COL23A1: variants seen among roughly 807,000 people sequenced by gnomAD.
The protein encoded by COL23A1 is collagen type XXIII alpha 1 chain, also known as collagen alpha-1(XXIII) chain.
COL23A1 carries 97 observed loss-of-function variants against 99.3 expected under a neutral mutation model. That is an observed-to-expected ratio of 0.98 (90% CI 0.83 to 1.16). COL23A1 has a LOEUF of 1.16. Ranked by LOEUF, COL23A1 falls within the 50% of genes most tolerant of loss-of-function variation. The pLI, the probability that COL23A1 is intolerant of heterozygous loss-of-function variation, is 0.00. For missense variants in COL23A1, 762 were observed against 757.4 expected, an observed-to-expected ratio of 1.01 and a Z score of -0.07; for synonymous variants, 320 against 308.2, an observed-to-expected ratio of 1.04 and a Z score of -0.40.
chr5:178,249,336 A>T, intron 18 of COL23A1, 130 bp from the exon 19 acceptor site: 1 of 851,928 alleles, frequency 1.2e-6, no homozygotes, highest in Non-Finnish European at 1.9e-6. Context: ...CTCCAGCCAC[A>T]GTGGCTGGGA....
intron 5 of COL23A1, among the ~76,000 whole-genome samples, chr5:178,288,022 C>T (rs568082315): frequency 1.2e-4 from 19 of 152,310 alleles, no homozygotes; most frequent in East Asian, 5.8e-4. Flanking sequence ...CAGTGGAGCA[C>T]GCCACAGTGC....
chr5:178,427,922 C>A (rs1023431389), intron 2 of COL23A1, among the ~76,000 whole-genome samples: 2 of 152,182 alleles, frequency 1.3e-5, no homozygotes, highest in African/African-American at 4.8e-5. Flanking sequence ...GACTGTCCAG[C>A]ACCAGGAGTG....
chr5:178,460,733 T>C (rs1357961203), intron 2 of COL23A1, among the ~76,000 whole-genome samples: 1 of 152,168 alleles, frequency 6.6e-6, no homozygotes, highest in Non-Finnish European at 1.5e-5. Flanking sequence ...CTTATGCCTG[T>C]TCCCCTGGCA....
intron 1 of COL23A1, among the ~76,000 whole-genome samples, chr5:178,586,474 T>C (rs1034404912): frequency 1.3e-5 from 2 of 152,136 alleles, no homozygotes; most frequent in Non-Finnish European, 2.9e-5. Flanking sequence ...TCAGGGGCCA[T>C]GCCTCAAATT....
At chr5:178,286,836 G>A (rs1334570034) in intron 5 of COL23A1, among the ~76,000 whole-genome samples, 1 of 152,168 alleles carries the variant, frequency 6.6e-6, no homozygotes, top group African/African-American at 2.4e-5. Flanking sequence ...GGTGGGGAAC[G>A]GACCGGACCG....
At chr5:178,385,315 G>A (rs1020241782) in intron 2 of COL23A1, among the ~76,000 whole-genome samples, 27 of 152,268 alleles carry the variant, frequency 1.8e-4, no homozygotes, top group African/African-American at 5.1e-4. Context: ...CTGTGGACGC[G>A]GGGAATTCAC....
intron 1 of COL23A1, among the ~76,000 whole-genome samples, chr5:178,580,574 T>C (rs1322289963): frequency 6.6e-6 from 1 of 152,168 alleles, no homozygotes; most frequent in Non-Finnish European, 1.5e-5. Flanking sequence ...TTAATCCTGA[T>C]TCAACACATG....
intron 2 of COL23A1, among the ~76,000 whole-genome samples, chr5:178,502,413 G>C (rs1026576962): frequency 2.0e-5 from 3 of 152,250 alleles, no homozygotes; most frequent in Non-Finnish European, 4.4e-5. Flanking sequence ...TTACAGGCGT[G>C]AGCCACTGCG....
intron 2 of COL23A1, among the ~76,000 whole-genome samples, chr5:178,486,959 C>T (rs1278872426): frequency 6.6e-6 from 1 of 152,260 alleles, no homozygotes; most frequent in Non-Finnish European, 1.5e-5. Context: ...CACCCTCGGC[C>T]ACATCAATGG....
At chr5:178,444,523 G>T (rs1767053843) in intron 2 of COL23A1, among the ~76,000 whole-genome samples, 1 of 152,066 alleles carries the variant, frequency 6.6e-6, no homozygotes, top group African/African-American at 2.4e-5. Context: ...GACTGGGTGT[G>T]GTGGCTTACA....
chr5:178,356,652 G>A (rs924697848), intron 2 of COL23A1, among the ~76,000 whole-genome samples: 3 of 152,314 alleles, frequency 2.0e-5, no homozygotes, highest in East Asian at 1.9e-4. Flanking sequence ...AAAAGTCAGC[G>A]CCTCCCCAGT....
intron 2 of COL23A1, among the ~76,000 whole-genome samples, chr5:178,386,165 G>A (rs990626860): frequency 7.2e-5 from 11 of 152,136 alleles, no homozygotes; most frequent in Admixed American, 4.6e-4. Flanking sequence ...TAGGCCAGGC[G>A]CCGTGGCTCA....
At chr5:178,528,975 C>T (rs1220563156) in intron 2 of COL23A1, among the ~76,000 whole-genome samples, 4 of 152,208 alleles carry the variant, frequency 2.6e-5, no homozygotes, top group African/African-American at 9.7e-5. Context: ...ACAACATGAC[C>T]CAAAATTCAG....
At chr5:178,303,008 TTTG>T (rs1305164264) in intron 3 of COL23A1, among the ~76,000 whole-genome samples, 5 of 152,208 alleles carry the variant, frequency 3.3e-5, no homozygotes, top group African/African-American at 4.8e-5. Flanking sequence ...TGTTTGTTTG[TTTG>T]TTTTTTCCTG....
intron 1 of COL23A1, among the ~76,000 whole-genome samples, chr5:178,574,554 T>G (rs1433530198): frequency 3.3e-5 from 5 of 152,174 alleles, no homozygotes; most frequent in African/African-American, 1.2e-4. Context: ...ATGAAAAGGT[T>G]GCTCCCGGGA....
intron 2 of COL23A1, among the ~76,000 whole-genome samples, chr5:178,445,888 G>C (rs1297555773): frequency 6.6e-6 from 1 of 151,994 alleles, no homozygotes; most frequent in Non-Finnish European, 1.5e-5. Context: ...ATATATTCAA[G>C]ACAAAAGATT....
intron 5 of COL23A1, among the ~76,000 whole-genome samples, chr5:178,271,229 G>T (rs927927410): frequency 6.6e-6 from 1 of 152,142 alleles, no homozygotes; most frequent in African/African-American, 2.4e-5. Flanking sequence ...CCAGCTGGCA[G>T]GGATGCTGGG....
At chr5:178,329,285 C>T (rs1359380402) in intron 2 of COL23A1, among the ~76,000 whole-genome samples, 3 of 152,214 alleles carry the variant, frequency 2.0e-5, no homozygotes, top group Non-Finnish European at 2.9e-5. Context: ...GTCTGACTTT[C>T]GAATTCACCC....
intron 17 of COL23A1, 90 bp from the exon 18 acceptor site, chr5:178,250,195 G>T: frequency 6.7e-7 from 1 of 1,497,868 alleles, no homozygotes; most frequent in Non-Finnish European, 9.2e-7. Flanking sequence ...TGTGCACCCG[G>T]CCCAGGGTGG....
Sources: gnomAD v4.1 joint callset for allele counts (sites outside exome capture counted in the v4.1 genomes callset) on GRCh38, gnomAD v4.1.1 for gene constraint, MANE v1.5 for transcripts, NCBI Gene and HGNC (gene_info 2026-07-23, HGNC 2026-07-21) for gene names.